The following PRDM16 variants were observed in gnomAD, a reference collection of about 807,000 sequenced individuals.
PRDM16 encodes histone-lysine N-methyltransferase PRDM16.
A neutral mutation model predicts 110.6 loss-of-function variants in PRDM16; 23 were observed. The observed-to-expected ratio is 0.21, with a 90% confidence interval of 0.15 to 0.29. The LOEUF (loss-of-function observed/expected upper bound fraction) is 0.29. Ranked by LOEUF, PRDM16 falls within the 10% of genes least tolerant of loss-of-function variation. The probability of loss-of-function intolerance (pLI) is 1.00; values close to 1 mark genes in which losing one functional copy is unlikely to be tolerated. For synonymous variants in PRDM16, 799 were observed against 781.8 expected, an observed-to-expected ratio of 1.02 and a Z score of -0.37; for missense variants, 1,615 against 1,794.3, an observed-to-expected ratio of 0.90 and a Z score of 1.81.
rs1024790311 is a variant in PRDM16 at position 3,353,618 on chromosome 1, C to T, written c.439-31534C>T. Reference sequence around the variant, plus strand: ...GATGAGTCCAGCCCCGCAGTGTGACCGGCAGTTGGCAAACCATTGACTCAG... The same window carrying T: ...GATGAGTCCAGCCCCGCAGTGTGACTGGCAGTTGGCAAACCATTGACTCAG... On this transcript the variant is annotated intron_variant, in intron 3 of 16. Transcript: ENST00000270722. This position sits in a 1 kb window ranked among gnomAD's most constrained non-coding sequence, Gnocchi z 5.4. 1.3e-5 allele frequency among the ~76,000 whole-genome samples: 2 copies of T among 152,196 alleles called. No homozygotes were observed. Among genetic ancestry groups the T allele is most frequent in the Admixed American group, 6.5e-5 (1 of 15,286 alleles).
At chr1:3,078,153 C>A (rs4648451) in intron 1 of PRDM16, among the ~76,000 whole-genome samples, 22,024 of 152,158 alleles carry the variant, frequency 0.14, 2,017 homozygotes, top group South Asian at 0.19. Context: ...CATTCCCATC[C>A]GTCCTCTCAT....
intron 1 of PRDM16, among the ~76,000 whole-genome samples, chr1:3,119,294 T>C (rs983853669): frequency 6.6e-6 from 1 of 152,238 alleles, no homozygotes; most frequent in Non-Finnish European, 1.5e-5. Context: ...CCGTGGACAT[T>C]CTTTGTGCGG....
At chr1:3,181,107 CACGCGGCCTT>C (rs1450881202) in intron 1 of PRDM16, among the ~76,000 whole-genome samples, 1 of 143,364 alleles carries the variant, frequency 7.0e-6, no homozygotes, top group Non-Finnish European at 1.5e-5. Context: ...CGCAGTCTTA[CACGCGGCCTT>C]ACACACGCAG....
chr1:3,427,862 G>A lies in PRDM16; in HGVS notation c.3284+1637G>A, dbSNP rs145213406. On this transcript the variant is annotated intron_variant, in intron 14 of 16. Transcript: ENST00000270722. ...TCCCGGCATTCCCCAGTGGGCTCCAGGAACGATGGCCTGAAAGGAACTCTG... is the reference window on the plus strand; with the variant it reads ...TCCCGGCATTCCCCAGTGGGCTCCAAGAACGATGGCCTGAAAGGAACTCTG... Among the ~76,000 whole-genome samples, 3 of 152,316 alleles carry A rather than the reference G, an allele frequency of 2.0e-5. No individual in the cohort carries two copies. The East Asian group carries it at 5.8e-4, about 29-fold the overall frequency.
intron 1 of PRDM16, among the ~76,000 whole-genome samples, chr1:3,162,890 C>T (rs1296317578): frequency 1.4e-5 from 2 of 145,184 alleles, no homozygotes; most frequent in African/African-American, 5.4e-5. Context: ...AGGGGATGTG[C>T]GCAGAAGCCC....
chr1:3,251,037 A>T (rs1639917866), intron 3 of PRDM16, among the ~76,000 whole-genome samples: 1 of 152,144 alleles, frequency 6.6e-6, no homozygotes, highest in Non-Finnish European at 1.5e-5. Context: ...TTTAGGCTGA[A>T]ACTTAAATTC....
At chr1:3,423,532 G>A (rs1350495675) in intron 12 of PRDM16, among the ~76,000 whole-genome samples, 1 of 152,184 alleles carries the variant, frequency 6.6e-6, no homozygotes, top group East Asian at 1.9e-4. Context: ...CGGTCTGGGA[G>A]GCCAGGACTC....
intron 4 of PRDM16, among the ~76,000 whole-genome samples, chr1:3,386,238 G>GA (rs35936416): frequency 0.028 from 3,915 of 138,952 alleles, 185 homozygotes; most frequent in African/African-American, 0.091. Context: ...GATTTCATTT[G>GA]AAAAAAAAGA....
intron 1 of PRDM16, among the ~76,000 whole-genome samples, chr1:3,182,832 G>A (rs929668666): frequency 7.9e-5 from 12 of 152,210 alleles, no homozygotes; most frequent in African/African-American, 4.8e-5. Flanking sequence ...CTGGCAGATC[G>A]GGAGGTGCTT....
intron 6 of PRDM16, among the ~76,000 whole-genome samples, 186 bp from the exon 7 acceptor site, chr1:3,404,553 T>A (rs1449211282): frequency 6.6e-6 from 1 of 152,182 alleles, no homozygotes; most frequent in Non-Finnish European, 1.5e-5. Context: ...GAAGGCCGCC[T>A]CTGCCCCTCA....
chr1:3,110,897 C>T (rs1231169900), intron 1 of PRDM16, among the ~76,000 whole-genome samples: 1 of 152,160 alleles, frequency 6.6e-6, no homozygotes, highest in African/African-American at 2.4e-5. Context: ...GTCCTTGCCG[C>T]CTGATGCCCC....
intron 3 of PRDM16, among the ~76,000 whole-genome samples, chr1:3,335,284 G>A (rs972611454): frequency 3.9e-5 from 6 of 152,268 alleles, no homozygotes; most frequent in Non-Finnish European, 7.4e-5. Flanking sequence ...CACTTCAAAG[G>A]AGACTTTTCA....
intron 3 of PRDM16, among the ~76,000 whole-genome samples, chr1:3,360,740 A>G (rs1042750250): frequency 7.9e-5 from 12 of 152,344 alleles, no homozygotes; most frequent in Admixed American, 2.6e-4. Flanking sequence ...CCATCGGGAC[A>G]GGAGTCCAAC....
At position 3,420,719 on chromosome 1, in the gene PRDM16, T is replaced by C. The variant is rs533200181; in HGVS notation, c.2939+1975T>C. The stretch of plus-strand genomic sequence containing the variant: ...GAGGTCTTTGAGTGAAGCGGGAAGG[T>C]GAGATTGAGTTAATGGCAGTCTTAT... On this transcript the variant is annotated intron_variant, in intron 12 of 16. Coordinates refer to ENST00000270722, the MANE Select transcript of PRDM16 (RefSeq NM_022114.4). 1.4e-4 allele frequency among the ~76,000 whole-genome samples: 21 copies of C among 150,906 alleles called. 1 individual carries two copies. In the South Asian group the frequency reaches 4.3e-3, roughly 31 times the overall value.
intron 1 of PRDM16, among the ~76,000 whole-genome samples, chr1:3,075,669 C>G (rs904181949): frequency 2.0e-5 from 3 of 152,276 alleles, no homozygotes; most frequent in Admixed American, 1.3e-4. Context: ...TTCATCTCCT[C>G]TGAATAAGGC....
At chr1:3,233,057 G>A (rs1027552733) in intron 2 of PRDM16, among the ~76,000 whole-genome samples, 2 of 152,230 alleles carry the variant, frequency 1.3e-5, no homozygotes, top group Admixed American at 6.5e-5. Flanking sequence ...AAAGATAAAT[G>A]TTTGTATAGA....
At chr1:3,097,084 C>A (rs548111624) in intron 1 of PRDM16, among the ~76,000 whole-genome samples, 1 of 152,128 alleles carries the variant, frequency 6.6e-6, no homozygotes, top group Non-Finnish European at 1.5e-5. Flanking sequence ...GGTCAGACAG[C>A]GCTTCACCCA....
At chr1:3,271,564 GA>G (rs1386928099) in intron 3 of PRDM16, among the ~76,000 whole-genome samples, 1 of 152,214 alleles carries the variant, frequency 6.6e-6, no homozygotes, top group East Asian at 1.9e-4. Flanking sequence ...AACCCATCTA[GA>G]ACCTGTTCCA....
At chr1:3,160,514 G>GTTAA (rs1643889187) in intron 1 of PRDM16, among the ~76,000 whole-genome samples, 1 of 152,218 alleles carries the variant, frequency 6.6e-6, no homozygotes, top group Non-Finnish European at 1.5e-5. Flanking sequence ...CTTTGTCCAG[G>GTTAA]GTAAGGGCGA....
Sources: gnomAD v4.1 joint callset for allele counts (sites outside exome capture counted in the v4.1 genomes callset) on GRCh38, gnomAD v4.1.1 for gene constraint, Gnocchi (gnomAD v3.1) non-coding constraint, MANE v1.5 for transcripts, NCBI Gene and HGNC (gene_info 2026-07-23, HGNC 2026-07-21) for gene names.